Variants in OR7E24 observed in about 807,000 individuals in gnomAD.
OR7E24 encodes olfactory receptor family 7 subfamily E member 24.
For synonymous variants in OR7E24, 130 were observed against 157.5 expected (o/e 0.83, Z 1.31); for missense variants, 385 against 410.3 (o/e 0.94, Z 0.53).
At chr19:9,208,909 C>G in the OR7E24 span, 1 of 152,244 alleles carries the variant, frequency 6.6e-6, no homozygotes, top group Non-Finnish European at 1.5e-5. Flanking sequence ...CCAGGCTGGT[C>G]TCGAACTCCT....
the OR7E24 span, among the ~76,000 whole-genome samples, chr19:9,222,257 C>T: frequency 6.6e-6 from 1 of 152,134 alleles, no homozygotes; most frequent in African/African-American, 2.4e-5. Flanking sequence ...AGTGTGATGC[C>T]TCCAGCTTTG....
the OR7E24 span, chr19:9,219,483 T>C: frequency 0.23 from 34,962 of 152,134 alleles, 5,318 homozygotes; most frequent in African/African-American, 0.43. Context: ...CTAGTACTTA[T>C]TCTCTCTCCT....
chr19:9,241,910 T>G, the OR7E24 span, among the ~76,000 whole-genome samples: 1 of 152,246 alleles, frequency 6.6e-6, no homozygotes, highest in Non-Finnish European at 1.5e-5. Context: ...GTTCTCTCAG[T>G]AACTCCCTTG....
At position 9,251,704 on chromosome 19, in the gene OR7E24, G is replaced by T. The variant is rs554859776; in HGVS notation, c.661G>T (p.Gly221Cys). ...FINEMVIYFMGAIFGCLPISG... is the reference protein window; with the variant it reads ...FINEMVIYFMCAIFGCLPISG... The stretch of plus-strand genomic sequence containing the variant: ...CAATGAAATGGTCATATATTTCATG[G>T]GTGCCATATTTGGCTGTCTCCCTAT... The change falls in exon 1 of 1, where the codon GGT becomes TGT. Residue 221 changes from glycine to cysteine, a missense_variant. Physicochemically the swap from Gly to Cys is radical, Grantham distance 159 (BLOSUM62 -3). Transcript: ENST00000456448. 1 of 1,613,490 alleles carries T rather than the reference G, an allele frequency of 6.2e-7. No homozygotes were observed. The highest frequency in any genetic ancestry group is 8.5e-7 in the Non-Finnish European group (1 of 1,179,748).
chr19:9,242,290 C>A, the OR7E24 span, among the ~76,000 whole-genome samples: 1 of 152,166 alleles, frequency 6.6e-6, no homozygotes, highest in South Asian at 2.1e-4. Flanking sequence ...CACTCTGTCA[C>A]CCAGGCTGGA....
chr19:9,238,326 T>A, the OR7E24 span, among the ~76,000 whole-genome samples: 1 of 152,146 alleles, frequency 6.6e-6, no homozygotes, highest in South Asian at 2.1e-4. Context: ...TGGTGTCTCA[T>A]TGTGCTCTTG....
At chr19:9,215,404 A>G in the OR7E24 span, among the ~76,000 whole-genome samples, 1 of 150,268 alleles carries the variant, frequency 6.7e-6, no homozygotes, top group African/African-American at 2.4e-5. Flanking sequence ...TAATTCCCCC[A>G]TTTGTATCTA....
At chr19:9,217,687 T>A in the OR7E24 span, among the ~76,000 whole-genome samples, 1 of 152,074 alleles carries the variant, frequency 6.6e-6, no homozygotes, top group Non-Finnish European at 1.5e-5. Flanking sequence ...TACAGGTGTG[T>A]GCCACTACGC....
the OR7E24 span, chr19:9,214,603 G>A: frequency 1.9e-6 from 3 of 1,614,082 alleles, no homozygotes; most frequent in South Asian, 1.1e-5. Flanking sequence ...AGCATCTTGG[G>A]GACTGTGGTG....
At chr19:9,250,238 G>A (rs2066141502), upstream of OR7E24, among the ~76,000 whole-genome samples, 1 of 152,040 alleles carries the variant, frequency 6.6e-6, no homozygotes, top group Admixed American at 6.6e-5. Flanking sequence ...GGGACTACAG[G>A]GCGGCGCCAC....
chr19:9,237,837 G>C, the OR7E24 span, among the ~76,000 whole-genome samples: 1 of 152,290 alleles, frequency 6.6e-6, no homozygotes, highest in South Asian at 2.1e-4. Flanking sequence ...AACTAGCAGT[G>C]GGACTTCTGG....
chr19:9,249,469 T>A (rs1306206539), upstream of OR7E24, among the ~76,000 whole-genome samples: 1 of 152,178 alleles, frequency 6.6e-6, no homozygotes, highest in African/African-American at 2.4e-5. Flanking sequence ...GTGTCTATAT[T>A]ATGGACACAT....
At chr19:9,244,451 A>C (rs556633576), upstream of OR7E24, among the ~76,000 whole-genome samples, 40 of 152,362 alleles carry the variant, frequency 2.6e-4, no homozygotes, top group African/African-American at 9.1e-4. Context: ...CATTGGGAAA[A>C]AGACAGCCTT....
the OR7E24 span, among the ~76,000 whole-genome samples, chr19:9,234,251 T>C: frequency 1.3e-5 from 2 of 152,200 alleles, no homozygotes; most frequent in Non-Finnish European, 2.9e-5. Context: ...ACCAAAATTC[T>C]ATTCCAGAAA....
the OR7E24 span, among the ~76,000 whole-genome samples, chr19:9,223,734 C>CT: frequency 0.026 from 3,499 of 135,604 alleles, 86 homozygotes; most frequent in African/African-American, 0.069. Flanking sequence ...TTTTTCTCTT[C>CT]TTTTTTTTTT....
At chr19:9,242,667 A>G (rs538750264), upstream of OR7E24, among the ~76,000 whole-genome samples, 68 of 152,346 alleles carry the variant, frequency 4.5e-4, no homozygotes, top group African/African-American at 1.6e-3. Context: ...CAACTTTGCT[A>G]TCCTTTATTT....
Position 9,251,033 on chromosome 19 carries a change from C to G in OR7E24, c.-11C>G, listed in dbSNP as rs781219118. Reference sequence around the variant, plus strand: ...CAAAATATAGACACAGTGCTAGATGCTGGTTTACTTATGTCCTATTTTCCA... The same window carrying G: ...CAAAATATAGACACAGTGCTAGATGGTGGTTTACTTATGTCCTATTTTCCA... On this transcript the variant is annotated 5_prime_UTR_variant, in exon 1 of 1. Transcript: ENST00000456448. 6 of 1,542,166 alleles carry G rather than the reference C, an allele frequency of 3.9e-6. No individual in the cohort carries two copies. The highest frequency in any genetic ancestry group is 5.2e-6 in the Non-Finnish European group (6 of 1,143,042).
chr19:9,235,511 T>C, the OR7E24 span: 1 of 1,577,390 alleles, frequency 6.3e-7, no homozygotes, highest in Non-Finnish European at 8.7e-7. Context: ...TATGACCGGT[T>C]TGTGGCCATC....
chr19:9,219,990 C>T, the OR7E24 span, among the ~76,000 whole-genome samples: 3 of 151,976 alleles, frequency 2.0e-5, no homozygotes, highest in Non-Finnish European at 2.9e-5. Flanking sequence ...ATGGATCCCT[C>T]GGTGTTGAAA....
Sources: gnomAD v4.1 joint callset for allele counts (sites outside exome capture counted in the v4.1 genomes callset) on GRCh38, gnomAD v4.1.1 for gene constraint, MANE v1.5 for transcripts, NCBI Gene and HGNC (gene_info 2026-07-23, HGNC 2026-07-21) for gene names.